KCNH1: variants seen among roughly 807,000 people sequenced by gnomAD.
The protein encoded by KCNH1 is potassium voltage-gated channel subfamily H member 1.
In KCNH1, 27 loss-of-function variants were observed where a neutral mutation model predicts 69.2. That is an observed-to-expected ratio of 0.39 (90% CI 0.29 to 0.54). The LOEUF is 0.54. Among genes scored for constraint, KCNH1 ranks in the 20% least tolerant of loss-of-function variants. The probability of loss-of-function intolerance (pLI) is 0.68; values close to 1 mark genes in which losing one functional copy is unlikely to be tolerated. For missense variants in KCNH1, 798 were observed against 1,261.6 expected (o/e 0.63, Z 5.57); for synonymous variants, 456 against 487.7 (o/e 0.93, Z 0.86).
chr1:210,958,856 A>G (rs1473420949), intron 6 of KCNH1, among the ~76,000 whole-genome samples: 3 of 152,218 alleles, frequency 2.0e-5, no homozygotes. Flanking sequence ...GGGTTAGAAC[A>G]TGCTCCTTTA....
intron 6 of KCNH1, among the ~76,000 whole-genome samples, chr1:210,925,452 T>C (rs935232429): frequency 6.6e-6 from 1 of 152,212 alleles, no homozygotes; most frequent in Non-Finnish European, 1.5e-5. Context: ...GCTTTCTCAG[T>C]AGGGAGGCTC....
intron 6 of KCNH1, among the ~76,000 whole-genome samples, chr1:210,976,852 T>C (rs2102373289): frequency 6.7e-6 from 1 of 148,736 alleles, no homozygotes; most frequent in Non-Finnish European, 1.5e-5. Flanking sequence ...TTTTACACTG[T>C]TGGTGGGACT....
intron 7 of KCNH1, among the ~76,000 whole-genome samples, chr1:210,916,768 A>G (rs1338391216): frequency 6.6e-6 from 1 of 152,200 alleles, no homozygotes; most frequent in Non-Finnish European, 1.5e-5. Flanking sequence ...GTGCTCAAGG[A>G]AATGGTGTTA....
intron 6 of KCNH1, among the ~76,000 whole-genome samples, chr1:210,936,464 T>A (rs75943941): frequency 1.5e-4 from 23 of 152,330 alleles, no homozygotes; most frequent in African/African-American, 5.3e-4. Flanking sequence ...CACACTTGCA[T>A]CTTCCAAAGA....
At chr1:211,039,944 C>G (rs4314946) in intron 5 of KCNH1, among the ~76,000 whole-genome samples, 63,028 of 151,942 alleles carry the variant, frequency 0.41, 13,335 homozygotes, top group Non-Finnish European at 0.44. Context: ...AATCCCAGCA[C>G]TTTGGGAGGC....
chr1:210,715,673 A>AT (rs1452889358), intron 10 of KCNH1, among the ~76,000 whole-genome samples: 2 of 152,154 alleles, frequency 1.3e-5, no homozygotes, highest in Non-Finnish European at 2.9e-5. Context: ...AGTTGCTATG[A>AT]TTTTTCAGGG....
At chr1:210,757,535 T>G (rs961498989) in intron 10 of KCNH1, among the ~76,000 whole-genome samples, 4 of 152,232 alleles carry the variant, frequency 2.6e-5, no homozygotes, top group Admixed American at 2.6e-4. Context: ...AGCCACTCCC[T>G]GACTCTTCAG....
intron 6 of KCNH1, among the ~76,000 whole-genome samples, chr1:210,921,436 T>C (rs966689026): frequency 2.0e-5 from 3 of 152,250 alleles, no homozygotes; most frequent in African/African-American, 7.2e-5. Context: ...TCAATGTCAC[T>C]GCTATTCTCT....
At chr1:210,843,103 G>A (rs767735028) in intron 7 of KCNH1, among the ~76,000 whole-genome samples, 2 of 152,138 alleles carry the variant, frequency 1.3e-5, no homozygotes, top group Non-Finnish European at 2.9e-5. Context: ...CATCTAATAC[G>A]GATCCATTAC....
intron 9 of KCNH1, among the ~76,000 whole-genome samples, chr1:210,794,920 T>C (rs1684277921): frequency 6.6e-6 from 1 of 152,178 alleles, no homozygotes; most frequent in African/African-American, 2.4e-5. Flanking sequence ...TGAAAAATGC[T>C]CTTTCATATC....
chr1:210,875,662 G>T (rs1399870980), intron 7 of KCNH1, among the ~76,000 whole-genome samples: 6 of 152,108 alleles, frequency 3.9e-5, no homozygotes, highest in African/African-American at 1.4e-4. Context: ...AATTAGCTGG[G>T]TGTGGTGGCG....
At chr1:210,998,678 G>T (rs1351402080) in intron 6 of KCNH1, among the ~76,000 whole-genome samples, 1 of 152,150 alleles carries the variant, frequency 6.6e-6, no homozygotes, top group Non-Finnish European at 1.5e-5. Flanking sequence ...GACATCTACA[G>T]AACTCTCCAC....
In KCNH1 at chr1:210,983,403, G is replaced by A. The variant is rs569032873; in HGVS notation, c.1032+35380C>T. ...TTCTTCTAGGGTTCTTATGGTTTTAGGTCTAACATATAAGTCTTTAATCCA... is the reference window on the plus strand; with the variant it reads ...TTCTTCTAGGGTTCTTATGGTTTTAAGTCTAACATATAAGTCTTTAATCCA... On this transcript the variant is annotated intron_variant, in intron 6 of 10. Coordinates refer to ENST00000271751, the MANE Select transcript of KCNH1 (RefSeq NM_172362.3). Among the ~76,000 whole-genome samples the A allele has an allele frequency of 7.9e-5, 12 of 152,266 alleles. 1 individual carries two copies. In the East Asian group the frequency reaches 2.3e-3, roughly 29 times the overall value.
At chr1:210,914,569 G>A (rs1183052275) in intron 7 of KCNH1, among the ~76,000 whole-genome samples, 2 of 152,072 alleles carry the variant, frequency 1.3e-5, no homozygotes, top group African/African-American at 4.8e-5. Context: ...CGTAAGTACT[G>A]TCTCTTCCTC....
chr1:210,989,529 C>T (rs575997034), intron 6 of KCNH1, among the ~76,000 whole-genome samples: 2 of 152,276 alleles, frequency 1.3e-5, no homozygotes, highest in East Asian at 3.9e-4. Context: ...AATAGGGAGT[C>T]TAAAGAGCCA....
chr1:210,743,217 T>C (rs1683077247), intron 10 of KCNH1, among the ~76,000 whole-genome samples: 1 of 152,086 alleles, frequency 6.6e-6, no homozygotes, highest in Non-Finnish European at 1.5e-5. Flanking sequence ...GGAGAGGCAC[T>C]GTGTAACTGG....
intron 1 of KCNH1, among the ~76,000 whole-genome samples, chr1:211,118,206 G>T (rs762400219): frequency 2.0e-5 from 3 of 152,152 alleles, no homozygotes; most frequent in Admixed American, 6.5e-5. Flanking sequence ...AAACAAATAT[G>T]CTATTGATGC....
intron 6 of KCNH1, among the ~76,000 whole-genome samples, chr1:210,973,464 C>G (rs368059920): frequency 6.6e-6 from 1 of 152,200 alleles, no homozygotes; most frequent in African/African-American, 2.4e-5. Context: ...GATTCCCATC[C>G]ATATAGCTAT....
intron 10 of KCNH1, among the ~76,000 whole-genome samples, chr1:210,701,217 G>A (rs931650375): frequency 6.6e-6 from 1 of 152,176 alleles, no homozygotes; most frequent in Non-Finnish European, 1.5e-5. Flanking sequence ...GATTACAGGC[G>A]TGAGCCACCA....
Sources: allele counts gnomAD v4.1 joint callset (sites outside exome capture counted in the v4.1 genomes callset), GRCh38; gene constraint gnomAD v4.1.1; transcripts MANE v1.5; gene names NCBI Gene and HGNC (gene_info 2026-07-23, HGNC 2026-07-21).